Variants in GP1BB observed in about 807,000 individuals in gnomAD.
The protein encoded by GP1BB is glycoprotein Ib platelet subunit beta.
A neutral mutation model predicts 2.5 loss-of-function variants in GP1BB; 3 were observed. That is an observed-to-expected ratio of 1.22 (90% CI 0.56 to 3.15). GP1BB has a LOEUF of 3.15. Among genes scored for constraint, GP1BB ranks in the 30% most tolerant of loss-of-function variants. GP1BB has a pLI of 0.03. For missense variants in GP1BB, 316 were observed against 307.0 expected, an observed-to-expected ratio of 1.03 and a Z score of -0.22; for synonymous variants, 191 against 167.5, an observed-to-expected ratio of 1.14 and a Z score of -1.08.
Position 19,723,831 on chromosome 22 carries a change from T to C in GP1BB, c.11-23T>C, listed in dbSNP as rs1350388583. 3.3e-6 allele frequency: 5 copies of C among 1,519,274 alleles called. No individual in the cohort carries two copies. In the South Asian group the frequency reaches 6.1e-5, roughly 19 times the overall value. The allele number at this position is 1,519,274 out of a possible 1,614,324, so 94.1% of individuals were successfully genotyped here. ...CCCAGGTGCCCGCCGACCGCTCGGC[T>C]TACTGCGGCGCTTCCCTTGCAGGGC... On this transcript the variant is annotated intron_variant, in intron 1 of 1. Coordinates refer to ENST00000366425, the MANE Select transcript of GP1BB (RefSeq NM_000407.5).
Position 19,724,599 on chromosome 22 carries a change from G to A in GP1BB, c.*135G>A. 1 of 711,180 alleles carries A rather than the reference G, an allele frequency of 1.4e-6. No individual in the cohort carries two copies. Among genetic ancestry groups the A allele is most frequent in the Non-Finnish European group, 2.5e-6 (1 of 397,158 alleles). The allele number at this position is 711,180 out of a possible 1,614,324, so 44.1% of individuals were successfully genotyped here. A position where few individuals can be genotyped will look rare whatever the true frequency, so the allele number is the denominator to read the frequency against. On this transcript the variant is annotated 3_prime_UTR_variant, in exon 2 of 2. Coordinates refer to ENST00000366425, the MANE Select transcript of GP1BB (RefSeq NM_000407.5). ...GCCTCCTCCGCTGCCCAATCTCTCA[G>A]ACCCACCCCACCTGCAGGCCCAGAC...
intron 1 of GP1BB, 75 bp from the exon 2 acceptor site, chr22:19,723,779 C>A (rs1298815908): frequency 7.1e-7 from 1 of 1,412,574 alleles, no homozygotes; most frequent in African/African-American, 1.4e-5. Context: ...GGAGCCGGGC[C>A]GGCAGTCTGG....
At position 19,724,700 on chromosome 22, in the gene GP1BB, G is replaced by C. The variant is rs1444104228; in HGVS notation, c.*236G>C. 1.6e-5 allele frequency: 9 copies of C among 576,828 alleles called. No individual in the cohort carries two copies. Among genetic ancestry groups the C allele is most frequent in the Non-Finnish European group, 2.5e-5 (8 of 318,308 alleles). 35.7% of individuals were successfully genotyped at this position (576,828 alleles called of 1,614,324 possible). A position where few individuals can be genotyped will look rare whatever the true frequency, so the allele number is the denominator to read the frequency against. On this transcript the variant is annotated 3_prime_UTR_variant, in exon 2 of 2. Transcript: ENST00000366425. ...ACTTCCAGGCTTGGGAGGACCATGG[G>C]GCACAATGCGGTCCAGACCCTGCTG...
Position 19,724,148 on chromosome 22 carries a change from C to CCTGG in GP1BB, c.311_314dup (p.Glu109ProfsTer201), listed in dbSNP as rs1936116289. ...GACTGCCGCCTTGTGCCGCTGCGCG[C>CCTGG]CTGGCTGGCCGGCCGCCCCGAGCGT... is the stretch of plus-strand genomic sequence containing the variant. On this transcript the variant is annotated frameshift_variant, in exon 2 of 2. Coordinates refer to ENST00000366425, the MANE Select transcript of GP1BB (RefSeq NM_000407.5). LOFTEE classifies it low-confidence loss of function (END_TRUNC). The CCTGG allele has an allele frequency of 7.5e-7, 1 of 1,330,388 alleles. No homozygotes were observed. The allele number at this position is 1,330,388 out of a possible 1,614,324, so 82.4% of individuals were successfully genotyped here. A position where few individuals can be genotyped will look rare whatever the true frequency, so the allele number is the denominator to read the frequency against.
Position 19,724,079 on chromosome 22 carries a change from C to T in GP1BB, c.236C>T (p.Pro79Leu). The change falls in exon 2 of 2, where the codon CCC becomes CTC. Residue 79 changes from proline to leucine, a missense_variant. Transcript: ENST00000366425. ...ALPPGLLDAL[P>L]ALRTAHLGAN... ...CCGCCGGGGCTGCTGGACGCGCTGC[C>T]CGCGCTGCGCACCGCACACCTGGGC... 1 of 1,498,534 alleles carries T rather than the reference C, an allele frequency of 6.7e-7. No individual in the cohort carries two copies. Among genetic ancestry groups the T allele is most frequent in the Non-Finnish European group, 8.9e-7 (1 of 1,129,354 alleles). The allele number at this position is 1,498,534 out of a possible 1,614,324, so 92.8% of individuals were successfully genotyped here.
rs1287792948 is a variant in GP1BB at position 19,724,072 on chromosome 22, G to A, written c.229G>A (p.Ala77Thr). ...GGCGCTGCCGCCGGGGCTGCTGGACGCGCTGCCCGCGCTGCGCACCGCACA... is the reference window on the plus strand; with the variant it reads ...GGCGCTGCCGCCGGGGCTGCTGGACACGCTGCCCGCGCTGCGCACCGCACA... Reference protein sequence around the residue: ...LTALPPGLLDALPALRTAHLG... With the variant: ...LTALPPGLLDTLPALRTAHLG... Residue 77 changes from alanine (A) to threonine (T), a missense_variant, in exon 2 of 2, where the codon GCG (alanine) becomes ACG (threonine). Ala to Thr is a moderately conservative substitution (Grantham distance 58). Coordinates refer to ENST00000366425, the MANE Select transcript of GP1BB (RefSeq NM_000407.5). 2 of 1,499,636 alleles carry A rather than the reference G, an allele frequency of 1.3e-6. No homozygotes were observed. The allele number at this position is 1,499,636 out of a possible 1,614,324, so 92.9% of individuals were successfully genotyped here.
In GP1BB at chr22:19,724,384, C is replaced by A. The variant is rs1309652503; in HGVS notation, c.541C>A (p.Arg181=). 2 of 1,530,500 alleles carry A rather than the reference C, an allele frequency of 1.3e-6. No individual in the cohort carries two copies. Among genetic ancestry groups the A allele is most frequent in the Admixed American group, 2.0e-5 (1 of 49,332 alleles). 94.8% of individuals were successfully genotyped at this position (1,530,500 alleles called of 1,614,324 possible). ...GTGCCGCCTGCGGAGGCTGCGGGCC[C>A]GGGCCCGCGCTCGCGCCGCAGCCCG... ...LLCRLRRLRA[R]ARARAAARLS... is the part of the protein sequence containing the mutation. Residue 181 remains arginine, a synonymous_variant, in exon 2 of 2, where the codon CGG becomes AGG. Transcript: ENST00000366425.
rs1936122794 is a variant in GP1BB, at chr22:19,724,373, G to A, written c.530G>A (p.Arg177Lys). The A allele has an allele frequency of 6.6e-7, 1 of 1,507,218 alleles. No homozygotes were observed. The allele number at this position is 1,507,218 out of a possible 1,614,324, so 93.4% of individuals were successfully genotyped here. The change falls in exon 2 of 2, where the codon AGG (arginine) becomes AAG (lysine). Residue 177 changes from arginine to lysine, a missense_variant. By Grantham distance (26) the Arg-to-Lys change is conservative. Coordinates refer to ENST00000366425, the MANE Select transcript of GP1BB (RefSeq NM_000407.5). ...GTGCTGCTGCTGTGCCGCCTGCGGA[G>A]GCTGCGGGCCCGGGCCCGCGCTCGC... ...LLVLLLCRLR[R>K]LRARARARAA...
Position 19,723,997 on chromosome 22 carries a change from G to T in GP1BB, c.154G>T (p.Ala52Ser). The T allele has an allele frequency of 6.5e-7, 1 of 1,536,054 alleles. No homozygotes were observed. The highest frequency in any genetic ancestry group is 8.7e-7 in the Non-Finnish European group (1 of 1,148,526). The change falls in exon 2 of 2, where the codon GCC becomes TCC. Residue 52 changes from alanine to serine, a missense_variant. Coordinates refer to ENST00000366425, the MANE Select transcript of GP1BB (RefSeq NM_000407.5). ...RGLTWASLPT[A>S]FPVDTTELVL... ...GCTGACTTGGGCCTCGCTGCCGACCGCCTTCCCTGTCGACACAACCGAGCT... is the reference window on the plus strand; with the variant it reads ...GCTGACTTGGGCCTCGCTGCCGACCTCCTTCCCTGTCGACACAACCGAGCT...
Position 19,724,033 on chromosome 22 carries a change from G to T in GP1BB, c.190G>T (p.Gly64Cys). The T allele has an allele frequency of 6.6e-7, 1 of 1,526,300 alleles. No homozygotes were observed. The highest frequency in any genetic ancestry group is 2.0e-5 in the Admixed American group (1 of 51,016). 94.5% of individuals were successfully genotyped at this position (1,526,300 alleles called of 1,614,324 possible). ...CGACACAACCGAGCTGGTGCTGACC[G>T]GCAACAACCTGACGGCGCTGCCGCC... The part of the protein sequence containing the change: ...PVDTTELVLT[G>C]NNLTALPPGL... Residue 64 changes from glycine (G) to cysteine (C), a missense_variant, in exon 2 of 2, where the codon GGC becomes TGC. Physicochemically the swap from Gly to Cys is radical, Grantham distance 159 (BLOSUM62 -3). Transcript: ENST00000366425.
rs1936117821 is a variant in GP1BB at position 19,724,200 on chromosome 22, G to A, written c.357G>A (p.Val119=). 10 of 1,237,900 alleles carry A rather than the reference G, an allele frequency of 8.1e-6. No individual in the cohort carries two copies. Among genetic ancestry groups the A allele is most frequent in the Middle Eastern group, 3.2e-4 (1 of 3,164 alleles). 76.7% of individuals were successfully genotyped at this position (1,237,900 alleles called of 1,614,324 possible). Residue 119 remains valine, a synonymous_variant, in exon 2 of 2, where the codon GTG becomes GTA. Transcript: ENST00000366425. ...CGCCCTACCGCGACCTGCGTTGCGT[G>A]GCGCCCCCAGCGCTGCGCGGCCGCC... ...ERAPYRDLRC[V]APPALRGRLL... is the part of the protein sequence containing the mutation.
chr22:19,724,750 T>C lies in GP1BB; in HGVS notation c.*286T>C. The C allele has an allele frequency of 2.1e-6, 1 of 477,542 alleles. No homozygotes were observed. The highest frequency in any genetic ancestry group is 3.8e-6 in the Non-Finnish European group (1 of 261,536). 29.6% of individuals were successfully genotyped at this position (477,542 alleles called of 1,614,324 possible). On this transcript the variant is annotated 3_prime_UTR_variant, in exon 2 of 2. Coordinates refer to ENST00000366425, the MANE Select transcript of GP1BB (RefSeq NM_000407.5). ...GCGTCTCCCTTCCAAACTCTGGTGCTGAATAAACCCTTCTGATCTGGTCTT... is the reference window on the plus strand; with the variant it reads ...GCGTCTCCCTTCCAAACTCTGGTGCCGAATAAACCCTTCTGATCTGGTCTT...
At position 19,724,674 on chromosome 22, in the gene GP1BB, C is replaced by T. The variant is rs1444279228; in HGVS notation, c.*210C>T. ...CCCTACCCCGAGGGAGGCGAACCCG[C>T]ACTTCCAGGCTTGGGAGGACCATGG... is the stretch of plus-strand genomic sequence containing the variant. On this transcript the variant is annotated 3_prime_UTR_variant, in exon 2 of 2. Coordinates refer to ENST00000366425, the MANE Select transcript of GP1BB (RefSeq NM_000407.5). 4 of 596,376 alleles carry T rather than the reference C, an allele frequency of 6.7e-6. No homozygotes were observed. Among genetic ancestry groups the T allele is most frequent in the African/African-American group, 3.7e-5 (2 of 53,562 alleles). The allele number at this position is 596,376 out of a possible 1,614,324, so 36.9% of individuals were successfully genotyped here. A position where few individuals can be genotyped will look rare whatever the true frequency, so the allele number is the denominator to read the frequency against.
In GP1BB at chr22:19,724,318, G is replaced by T; in HGVS notation, c.475G>T (p.Gly159Cys). 7.2e-7 allele frequency: 1 copy of T among 1,386,208 alleles called. No homozygotes were observed. The allele number at this position is 1,386,208 out of a possible 1,614,324, so 85.9% of individuals were successfully genotyped here. A position where few individuals can be genotyped will look rare whatever the true frequency, so the allele number is the denominator to read the frequency against. ...GALAAQLALL[G>C]LGLLHALLLV... ...GCTGGCGGCGCAGCTTGCGCTGCTG[G>T]GCCTTGGGCTGCTGCACGCGTTGCT... Residue 159 changes from glycine to cysteine, a missense_variant, in exon 2 of 2, where the codon GGC becomes TGC. Gly to Cys is a radical substitution (Grantham distance 159, BLOSUM62 -3). Transcript: ENST00000366425.
Position 19,723,842 on chromosome 22 carries a change from C to G in GP1BB, c.11-12C>G. On this transcript the variant is annotated splice_polypyrimidine_tract_variant and intron_variant, in intron 1 of 1. Transcript: ENST00000366425. ...GCCGACCGCTCGGCTTACTGCGGCGCTTCCCTTGCAGGGCCGCGCGGGGCG... is the reference window on the plus strand; with the variant it reads ...GCCGACCGCTCGGCTTACTGCGGCGGTTCCCTTGCAGGGCCGCGCGGGGCG... The G allele has an allele frequency of 3.9e-6, 6 of 1,522,026 alleles. No individual in the cohort carries two copies. The highest frequency in any genetic ancestry group is 5.3e-6 in the Non-Finnish European group (6 of 1,141,036). 94.3% of individuals were successfully genotyped at this position (1,522,026 alleles called of 1,614,324 possible).
In GP1BB at chr22:19,724,497, G is replaced by C. The variant is rs918451472; in HGVS notation, c.*33G>C. On this transcript the variant is annotated 3_prime_UTR_variant, in exon 2 of 2. Coordinates refer to ENST00000366425, the MANE Select transcript of GP1BB (RefSeq NM_000407.5). ...ACCGGTGCGTCCTGAGGAGAGAACC[G>C]GCGCTGGGCAACACGGGCCTGCAAA... 3.3e-5 allele frequency: 46 copies of C among 1,412,384 alleles called. No individual in the cohort carries two copies. Among genetic ancestry groups the C allele is most frequent in the Non-Finnish European group, 4.5e-5 (46 of 1,023,562 alleles). 87.5% of individuals were successfully genotyped at this position (1,412,384 alleles called of 1,614,324 possible).
chr22:19,724,270 C>G lies in GP1BB; in HGVS notation c.427C>G (p.Pro143Ala). ...AEDELRAACA[P>A]GPLCWGALAA... ...GGACGAGCTGCGCGCCGCTTGCGCTCCCGGCCCGCTCTGCTGGGGGGCGCT... is the reference window on the plus strand; with the variant it reads ...GGACGAGCTGCGCGCCGCTTGCGCTGCCGGCCCGCTCTGCTGGGGGGCGCT... Residue 143 changes from proline (P) to alanine (A), a missense_variant, in exon 2 of 2, where the codon CCC becomes GCC. Transcript: ENST00000366425. 7.9e-7 allele frequency: 1 copy of G among 1,266,806 alleles called. No homozygotes were observed. Among genetic ancestry groups the G allele is most frequent in the Non-Finnish European group, 9.9e-7 (1 of 1,011,496 alleles). The allele number at this position is 1,266,806 out of a possible 1,614,324, so 78.5% of individuals were successfully genotyped here.
Position 19,724,433 on chromosome 22 carries a change from T to C in GP1BB, c.590T>C (p.Val197Ala), listed in dbSNP as rs1446302075. The C allele has an allele frequency of 6.5e-7, 1 of 1,544,650 alleles. No homozygotes were observed. Among genetic ancestry groups the C allele is most frequent in the Non-Finnish European group, 8.7e-7 (1 of 1,144,688 alleles). The part of the protein sequence containing the change: ...AARLSLTDPL[V>A]AERAGTDES ...CGGCTGTCGCTGACCGACCCGCTGG[T>C]GGCCGAGCGAGCCGGAACCGACGAG... is the stretch of plus-strand genomic sequence containing the variant. Residue 197 changes from valine (V) to alanine (A), a missense_variant, in exon 2 of 2, where the codon GTG (valine) becomes GCG (alanine). Coordinates refer to ENST00000366425, the MANE Select transcript of GP1BB (RefSeq NM_000407.5).
In GP1BB at chr22:19,724,527, A is replaced by C; in HGVS notation, c.*63A>C. The C allele has an allele frequency of 8.6e-7, 1 of 1,162,934 alleles. No individual in the cohort carries two copies. Among genetic ancestry groups the C allele is most frequent in the South Asian group, 1.3e-5 (1 of 76,470 alleles). The allele number at this position is 1,162,934 out of a possible 1,614,324, so 72.0% of individuals were successfully genotyped here. A position where few individuals can be genotyped will look rare whatever the true frequency, so the allele number is the denominator to read the frequency against. On this transcript the variant is annotated 3_prime_UTR_variant, in exon 2 of 2. Transcript: ENST00000366425. ...TGGGCAACACGGGCCTGCAAACTCG[A>C]CAGGACCCTGCCCGAGGGGCCCTCG...
Sources: allele counts gnomAD v4.1 joint callset, GRCh38; gene constraint gnomAD v4.1.1; transcripts MANE v1.5; gene names NCBI Gene and HGNC (gene_info 2026-07-23, HGNC 2026-07-21).